The following TFAM variants were observed in gnomAD, a reference collection of about 807,000 sequenced individuals.
The protein encoded by TFAM is transcription factor A, mitochondrial.
TFAM carries 13 observed loss-of-function variants against 30.6 expected under a neutral mutation model. The ratio of observed to expected loss-of-function variants is 0.42; its 90% CI spans 0.28 to 0.67. The LOEUF (loss-of-function observed/expected upper bound fraction) is 0.67, where lower values mean the gene tolerates loss of function less well. TFAM is among the 30% of genes least tolerant of loss of function. The pLI is 0.21. For missense variants in TFAM, 231 were observed against 293.7 expected (o/e 0.79, Z 1.56); for synonymous variants, 106 against 94.8 (o/e 1.12, Z -0.69).
chr10:58,393,772 G>C (rs112938146), intron 5 of TFAM, among the ~76,000 whole-genome samples: 11,405 of 152,008 alleles, frequency 0.075, 727 homozygotes, highest in East Asian at 0.31. Context: ...GTGCATATCT[G>C]TGGTCCCAGC....
At chr10:58,392,449 C>CT (rs1564568872) in intron 5 of TFAM, among the ~76,000 whole-genome samples, 2 of 454 alleles carry the variant, frequency 4.4e-3, no homozygotes, top group African/African-American at 6.9e-3. Flanking sequence ...CTGAGCTGGT[C>CT]CTTATTTTCT....
At chr10:58,388,960 T>G in intron 4 of TFAM, 141 bp downstream of exon 4, 1 of 770,470 alleles carries the variant, frequency 1.3e-6, no homozygotes, top group Non-Finnish European at 2.0e-6. Flanking sequence ...AGAAGTGGGA[T>G]AGTTCTCTTA....
rs778811926 is a variant in TFAM at position 58,395,048 on chromosome 10, C to T, written c.715C>T (p.Arg239Ter). 1.7e-5 allele frequency: 27 copies of T among 1,613,420 alleles called. No homozygotes were observed. The highest frequency in any genetic ancestry group is 4.5e-5 in the East Asian group (2 of 44,798). ...TCTACGTCGCACAATAAAGAAACAA[C>T]GAAAATATGGTGCTGAGGAGTGTTA... ...DLLRRTIKKQRKYGAEEC is the reference protein window; with the variant it reads ...DLLRRTIKKQ The change falls in exon 7 of 7, where the codon CGA (arginine) becomes TGA (stop). Residue 239 changes from arginine (R) to a stop codon, truncating the protein, a stop_gained. Coordinates refer to ENST00000487519, the MANE Select transcript of TFAM (RefSeq NM_003201.3). LOFTEE classifies it low-confidence loss of function (END_TRUNC).
At position 58,395,304 on chromosome 10, in the gene TFAM, T is replaced by C. The variant is rs1840662485; in HGVS notation, c.*230T>C. ...GTTTAGGAACTACTGAGGATCAGAG[T>C]AATCCAAGCAAATGTGAATCATTTT... On this transcript the variant is annotated 3_prime_UTR_variant, in exon 7 of 7. Coordinates refer to ENST00000487519, the MANE Select transcript of TFAM (RefSeq NM_003201.3). The C allele has an allele frequency of 2.0e-6, 1 of 509,016 alleles. No homozygotes were observed. Among genetic ancestry groups the C allele is most frequent in the Non-Finnish European group, 3.5e-6 (1 of 284,528 alleles). The allele number at this position is 509,016 out of a possible 1,614,324, so 31.5% of individuals were successfully genotyped here.
rs1840645495 is a variant in TFAM, at chr10:58,394,397, T to G, written c.577T>G (p.Ser193Ala). The G allele has an allele frequency of 1.9e-6, 3 of 1,613,666 alleles. No individual in the cohort carries two copies. Among genetic ancestry groups the G allele is most frequent in the Non-Finnish European group, 2.5e-6 (3 of 1,179,670 alleles). The change falls in exon 6 of 7, where the codon TCT (serine) becomes GCT (alanine). Residue 193 changes from serine to alanine, a missense_variant. Ser to Ala is a moderately conservative substitution (Grantham distance 99). Coordinates refer to ENST00000487519, the MANE Select transcript of TFAM (RefSeq NM_003201.3). ...TGTAAAGGAAAACTGGAAAAATCTG[T>G]CTGACTCTGAAAAGGAAGTGAGTAT... Reference protein sequence around the residue: ...KTVKENWKNLSDSEKELYIQH... With the variant: ...KTVKENWKNLADSEKELYIQH...
chr10:58,391,009 C>T, intron 5 of TFAM, 149 bp downstream of exon 5: 1 of 722,128 alleles, frequency 1.4e-6, no homozygotes, highest in South Asian at 1.8e-5. Flanking sequence ...AATCTTTTTT[C>T]TTACCATATA....
chr10:58,394,791 C>A, intron 6 of TFAM, 137 bp from the exon 7 acceptor site: 1 of 798,538 alleles, frequency 1.3e-6, no homozygotes, highest in Non-Finnish European at 2.0e-6. Flanking sequence ...CTTCTCCAGT[C>A]TGCCTTTATA....
chr10:58,392,255 A>G (rs905586123), intron 5 of TFAM, among the ~76,000 whole-genome samples: 3 of 152,172 alleles, frequency 2.0e-5, no homozygotes, highest in African/African-American at 7.2e-5. Context: ...TTCACTTGTT[A>G]GACTGGGCAT....
intron 5 of TFAM, among the ~76,000 whole-genome samples, chr10:58,394,104 C>CT (rs1180090388): frequency 6.6e-6 from 1 of 152,096 alleles, no homozygotes; most frequent in Non-Finnish European, 1.5e-5. Flanking sequence ...TAAAAACAGA[C>CT]TTTGAAGTTA....
At chr10:58,392,372 T>G (rs1185826195) in intron 5 of TFAM, among the ~76,000 whole-genome samples, 1 of 152,196 alleles carries the variant, frequency 6.6e-6, no homozygotes, top group African/African-American at 2.4e-5. Context: ...TTATTGGTCC[T>G]TTAAATGTGA....
Position 58,394,998 on chromosome 10 carries a change from T to C in TFAM, c.665T>C (p.Met222Thr). The C allele has an allele frequency of 6.2e-7, 1 of 1,613,718 alleles. No homozygotes were observed. Among genetic ancestry groups the C allele is most frequent in the Non-Finnish European group, 8.5e-7 (1 of 1,179,812 alleles). ...HNEMKSWEEQ[M>T]IEVGRKDLLR... ...GAAATGAAGTCTTGGGAAGAACAAA[T>C]GATTGAAGTTGGACGAAAGGATCTT... The change falls in exon 7 of 7, where the codon ATG becomes ACG. Residue 222 changes from methionine to threonine, a missense_variant. Physicochemically the swap from Met to Thr is moderately conservative, Grantham distance 81. Coordinates refer to ENST00000487519, the MANE Select transcript of TFAM (RefSeq NM_003201.3).
At position 58,394,426 on chromosome 10, in the gene TFAM, G is replaced by T. The variant is rs41283688; in HGVS notation, c.594+12G>T. 10 of 1,611,036 alleles carry T rather than the reference G, an allele frequency of 6.2e-6. No individual in the cohort carries two copies. In the African/African-American group the frequency reaches 9.3e-5, roughly 15 times the overall value. ...ACTCTGAAAAGGAAGTGAGTATTAC[G>T]GTTGTTAGTCTCAAGTGTCTACTTA... On this transcript the variant is annotated intron_variant, in intron 6 of 6. Transcript: ENST00000487519.
chr10:58,388,658 T>C lies in TFAM; in HGVS notation c.292-12T>C. On this transcript the variant is annotated splice_polypyrimidine_tract_variant and intron_variant, in intron 3 of 6. Transcript: ENST00000487519. ...AATGGTTTGTTGACTTACTTGGGTT[T>C]TTTATTTATAGATATATCAAGATGC... is the stretch of plus-strand genomic sequence containing the variant. The C allele has an allele frequency of 6.2e-7, 1 of 1,613,186 alleles. No homozygotes were observed. Among genetic ancestry groups the C allele is most frequent in the South Asian group, 1.1e-5 (1 of 91,016 alleles).
intron 4 of TFAM, 150 bp from the exon 5 acceptor site, chr10:58,390,615 G>T (rs746456921): frequency 4.7e-6 from 3 of 643,596 alleles, no homozygotes; most frequent in Non-Finnish European, 8.0e-6. Flanking sequence ...AATTCTGACC[G>T]CAAGATGTAA....
chr10:58,391,319 A>G (rs1840594659), intron 5 of TFAM, among the ~76,000 whole-genome samples: 1 of 152,182 alleles, frequency 6.6e-6, no homozygotes, highest in African/African-American at 2.4e-5. Context: ...TGTCAAAGAA[A>G]AAGAAAGCTT....
chr10:58,393,836 A>G (rs1840636715), intron 5 of TFAM, among the ~76,000 whole-genome samples: 1 of 151,974 alleles, frequency 6.6e-6, no homozygotes, highest in Non-Finnish European at 1.5e-5. Context: ...TCAGTGCTGC[A>G]GTGAGCTGTG....
Position 58,395,255 on chromosome 10 carries a change from A to G in TFAM, c.*181A>G. The G allele has an allele frequency of 1.6e-6, 1 of 633,390 alleles. No individual in the cohort carries two copies. The highest frequency in any genetic ancestry group is 2.7e-6 in the Non-Finnish European group (1 of 368,526). 39.2% of individuals were successfully genotyped at this position (633,390 alleles called of 1,614,324 possible). A position where few individuals can be genotyped will look rare whatever the true frequency, so the allele number is the denominator to read the frequency against. ...TACTTGCTTTGGAAAACCCAGATAA[A>G]GGTTCATGCAAACTTTATTTTGTGT... On this transcript the variant is annotated 3_prime_UTR_variant, in exon 7 of 7. Transcript: ENST00000487519.
intron 3 of TFAM, 47 bp from the exon 4 acceptor site, chr10:58,388,623 A>C (rs370074581): frequency 1.2e-6 from 2 of 1,608,798 alleles, no homozygotes; most frequent in Non-Finnish European, 1.7e-6. Context: ...GCTATGTTGA[A>C]TTTGCCAGCA....
chr10:58,388,427 TG>T (rs1344883438), intron 3 of TFAM, among the ~76,000 whole-genome samples, 167 bp downstream of exon 3: 1 of 152,186 alleles, frequency 6.6e-6, no homozygotes, highest in Admixed American at 6.5e-5. Flanking sequence ...TATGGATGTA[TG>T]GGGTGGAGGT....
Sources: allele counts gnomAD v4.1 joint callset (sites outside exome capture counted in the v4.1 genomes callset), GRCh38; gene constraint gnomAD v4.1.1; transcripts MANE v1.5; gene names NCBI Gene and HGNC (gene_info 2026-07-23, HGNC 2026-07-21).